CHIC1: variants seen among roughly 807,000 people sequenced by gnomAD.
CHIC1 encodes cysteine rich hydrophobic domain 1, also known as cysteine-rich hydrophobic domain-containing protein 1.
A neutral mutation model predicts 18.5 loss-of-function variants in CHIC1; 7 were observed. That is an observed-to-expected ratio of 0.38 (90% CI 0.22 to 0.71). The LOEUF is 0.71. Among genes scored for constraint, CHIC1 ranks in the 30% least tolerant of loss-of-function variants. The pLI, the probability that CHIC1 is intolerant of heterozygous loss-of-function variation, is 0.49. For synonymous variants in CHIC1, 77 were observed against 73.5 expected, an observed-to-expected ratio of 1.05 and a Z score of -0.25; for missense variants, 159 against 176.9, an observed-to-expected ratio of 0.90 and a Z score of 0.57.
At chrX:73,609,808 T>C (rs1458602142) in intron 3 of CHIC1, among the ~76,000 whole-genome samples, 1 of 109,652 alleles carries the variant, frequency 9.1e-6, no homozygotes, top group African/African-American at 3.5e-5. Flanking sequence ...TGTTGGACAT[T>C]TCAAGTTCTC....
chrX:73,613,826 CCCTT>C (rs779364185), intron 3 of CHIC1, among the ~76,000 whole-genome samples: 2 of 109,733 alleles, frequency 1.8e-5, no homozygotes, highest in African/African-American at 6.6e-5. Flanking sequence ...CTTCCTTGCT[CCCTT>C]CCTTCCTTCC....
chrX:73,637,292 TA>T (rs914522960), intron 3 of CHIC1, among the ~76,000 whole-genome samples: 1 of 108,742 alleles, frequency 9.2e-6, no homozygotes, highest in African/African-American at 3.4e-5. Context: ...TTGCTGATTT[TA>T]AGTTTTTTTT....
chrX:73,644,751 G>T (rs910413428), intron 3 of CHIC1, among the ~76,000 whole-genome samples: 7 of 112,025 alleles, frequency 6.2e-5, no homozygotes, highest in African/African-American at 2.3e-4. Context: ...CAGTATTAGG[G>T]TGGGAGTGAC....
intron 3 of CHIC1, among the ~76,000 whole-genome samples, chrX:73,660,028 G>C (rs1603349686): frequency 2.7e-5 from 3 of 112,031 alleles, no homozygotes; most frequent in African/African-American, 9.7e-5. Flanking sequence ...GAGGCTACGG[G>C]CTTGTCCCCC....
chrX:73,593,406 G>A (rs765462169), intron 3 of CHIC1, among the ~76,000 whole-genome samples: 15 of 111,347 alleles, frequency 1.3e-4, no homozygotes, highest in Non-Finnish European at 2.5e-4. Context: ...TGATTGTCTT[G>A]TATAGTATCA....
At chrX:73,601,101 A>G (rs1354840104) in intron 3 of CHIC1, among the ~76,000 whole-genome samples, 1 of 106,634 alleles carries the variant, frequency 9.4e-6, no homozygotes, top group African/African-American at 3.7e-5. Context: ...ACTCCCACAC[A>G]TTAATAATGG....
At chrX:73,617,743 C>T (rs1384548193) in intron 3 of CHIC1, among the ~76,000 whole-genome samples, 1 of 111,553 alleles carries the variant, frequency 9.0e-6, no homozygotes, top group African/African-American at 3.3e-5. Flanking sequence ...CCCCATGATT[C>T]AATTATCTCT....
chrX:73,574,956 T>G (rs1359298508), intron 1 of CHIC1, among the ~76,000 whole-genome samples: 2 of 110,119 alleles, frequency 1.8e-5, no homozygotes, highest in African/African-American at 6.6e-5. Flanking sequence ...GTTCTTGTTT[T>G]CATAGTTCCT....
chrX:73,574,100 C>A (rs2057484473), intron 1 of CHIC1, among the ~76,000 whole-genome samples: 1 of 110,444 alleles, frequency 9.1e-6, no homozygotes, highest in South Asian at 3.8e-4. Context: ...GAGGTACATT[C>A]TTTTGATGGT....
chrX:73,595,281 A>G (rs936631485), intron 3 of CHIC1, among the ~76,000 whole-genome samples: 1 of 110,686 alleles, frequency 9.0e-6, no homozygotes, highest in Non-Finnish European at 1.9e-5. Context: ...CTATCAACCC[A>G]TCATCTACAT....
chrX:73,609,729 A>G (rs1340766150), intron 3 of CHIC1, among the ~76,000 whole-genome samples: 1 of 109,836 alleles, frequency 9.1e-6, no homozygotes, highest in Admixed American at 9.5e-5. Flanking sequence ...ATTTTGTAAC[A>G]TACATAGACT....
At chrX:73,617,787 G>A (rs1781540360) in intron 3 of CHIC1, among the ~76,000 whole-genome samples, 1 of 111,691 alleles carries the variant, frequency 9.0e-6, no homozygotes, top group African/African-American at 3.3e-5. Flanking sequence ...TGGGAATTAG[G>A]GGATCTACAA....
At chrX:73,632,308 A>G (rs2057810927) in intron 3 of CHIC1, among the ~76,000 whole-genome samples, 1 of 111,703 alleles carries the variant, frequency 9.0e-6, no homozygotes, top group Non-Finnish European at 1.9e-5. Context: ...TTTGTCCACT[A>G]TTTGCATGGA....
chrX:73,684,969 T>C lies in CHIC1; in HGVS notation c.*3964T>C, dbSNP rs1382498327. ...AAATTCATACTATATGAGGAAATGA[T>C]CTAATATTGTGGGCTCCAGGCAGGT... is the stretch of plus-strand genomic sequence containing the variant. On this transcript the variant is annotated 3_prime_UTR_variant, in exon 6 of 6. Transcript: ENST00000373502. 1 of 111,244 alleles carries C rather than the reference T, an allele frequency of 9.0e-6. No homozygotes were observed. The highest frequency in any genetic ancestry group is 1.9e-5 in the Non-Finnish European group (1 of 52,911). The allele number at this position is 111,244 out of a possible 1,213,427, so 9.2% of individuals were successfully genotyped here. A position where few individuals can be genotyped will look rare whatever the true frequency, so the allele number is the denominator to read the frequency against.
At chrX:73,644,526 G>A (rs766170190) in intron 3 of CHIC1, among the ~76,000 whole-genome samples, 27 of 112,579 alleles carry the variant, frequency 2.4e-4, no homozygotes, top group African/African-American at 8.7e-4. Context: ...GCTGTGGTGG[G>A]CTCCACCCAG....
chrX:73,616,248 C>T (rs966689478), intron 3 of CHIC1, among the ~76,000 whole-genome samples: 1 of 111,337 alleles, frequency 9.0e-6, no homozygotes, highest in African/African-American at 3.3e-5. Flanking sequence ...GACCCATAAG[C>T]ATCTAGGGGC....
chrX:73,661,044 C>T (rs771819601), intron 3 of CHIC1, among the ~76,000 whole-genome samples: 1 of 111,138 alleles, frequency 9.0e-6, no homozygotes, highest in East Asian at 2.8e-4. Context: ...GGCGTGGGTA[C>T]GTTCTACTAT....
intron 3 of CHIC1, among the ~76,000 whole-genome samples, chrX:73,650,622 T>C (rs1458569375): frequency 9.9e-6 from 1 of 100,843 alleles, no homozygotes; most frequent in Admixed American, 1.1e-4. Flanking sequence ...CTCCCAAGAC[T>C]AAACCAGGAA....
In CHIC1 at chrX:73,685,491, T is replaced by G. The variant is rs751334437; in HGVS notation, c.*4486T>G. ...ATCAAATTCCATACCCTCAAAAAGA[T>G]CTGTTGGAACAAATTGATAAAATTA... On this transcript the variant is annotated 3_prime_UTR_variant, in exon 6 of 6. Transcript: ENST00000373502. The G allele has an allele frequency of 1.8e-5, 2 of 111,490 alleles. No homozygotes were observed. The allele number at this position is 111,490 out of a possible 1,213,427, so 9.2% of individuals were successfully genotyped here.
Sources: gnomAD v4.1 joint callset for allele counts (sites outside exome capture counted in the v4.1 genomes callset) on GRCh38, gnomAD v4.1.1 for gene constraint, MANE v1.5 for transcripts, NCBI Gene and HGNC (gene_info 2026-07-23, HGNC 2026-07-21) for gene names.